PTBP3: variants seen among roughly 807,000 people sequenced by gnomAD.
PTBP3 encodes the protein polypyrimidine tract binding protein 3, also known as polypyrimidine tract-binding protein 3.
A neutral mutation model predicts 58.7 loss-of-function variants in PTBP3; 20 were observed. The ratio of observed to expected loss-of-function variants is 0.34; its 90% confidence interval spans 0.24 to 0.50. The LOEUF (loss-of-function observed/expected upper bound fraction) is 0.50, where lower values mean the gene tolerates loss of function less well. Ranked by LOEUF, PTBP3 falls within the 20% of genes least tolerant of loss-of-function variation. The pLI, the probability that PTBP3 is intolerant of heterozygous loss-of-function variation, is 0.98. For missense variants in PTBP3, 509 were observed against 637.2 expected, an observed-to-expected ratio of 0.80 and a Z score of 2.17; for synonymous variants, 185 against 219.8, an observed-to-expected ratio of 0.84 and a Z score of 1.40.
In PTBP3 at chr9:112,224,200, T is replaced by C. The variant is rs768627148; in HGVS notation, c.1375A>G (p.Thr459Ala). Residue 459 changes from threonine to alanine, a missense_variant, in exon 13 of 14, where the codon ACA (threonine) becomes GCA (alanine). By Grantham distance (58) the Thr-to-Ala change is moderately conservative. Coordinates refer to ENST00000374257, the MANE Select transcript of PTBP3 (RefSeq NM_001163788.4). ...LHLSNIPPSV[T>A]VDDLKNLFIE... ...AAAAGGTTCTTCAGATCATCCACTG[T>C]AACAGAAGGGCTGTGAAAACATCAG... The C allele has an allele frequency of 2.6e-6, 4 of 1,546,564 alleles. No individual in the cohort carries two copies. The South Asian group carries it at 5.1e-5, about 20-fold the overall frequency.
chr9:112,365,252 T>G, the PTBP3 span, among the ~76,000 whole-genome samples: 1 of 152,206 alleles, frequency 6.6e-6, no homozygotes, highest in African/African-American at 2.4e-5. Flanking sequence ...ACTGATATGG[T>G]TTGGCTCTGT....
intron 1 of PTBP3, among the ~76,000 whole-genome samples, chr9:112,316,911 G>T (rs1303592192): frequency 6.6e-6 from 1 of 151,686 alleles, no homozygotes; most frequent in East Asian, 1.9e-4. Flanking sequence ...GGCAGAGGCT[G>T]CAGTGAGCTG....
chr9:112,234,083 T>C (rs1052140695), intron 8 of PTBP3, among the ~76,000 whole-genome samples: 3 of 102,774 alleles, frequency 2.9e-5, no homozygotes, highest in Non-Finnish European at 5.6e-5. Flanking sequence ...ATATGTGGAG[T>C]AGGCTTACCA....
rs1384733030 is a variant in PTBP3, at chr9:112,330,395, CA to C, written c.-52+3074del. ...TGAACAGGTGAGACTGAAAATATGC[CA>C]AAAGATATAAAAATGCATATGAAAG... is the stretch of plus-strand genomic sequence containing the variant. On this transcript the variant is annotated intron_variant, in intron 1 of 13. Transcript: ENST00000374257. 1.0e-5 allele frequency: 14 copies of C among 1,372,188 alleles called. No homozygotes were observed. In the African/African-American group the frequency reaches 1.9e-4, roughly 19 times the overall value. The allele number at this position is 1,372,188 out of a possible 1,614,324, so 85.0% of individuals were successfully genotyped here. A position where few individuals can be genotyped will look rare whatever the true frequency, so the allele number is the denominator to read the frequency against.
At chr9:112,243,554 A>G (rs1835748098) in intron 7 of PTBP3, among the ~76,000 whole-genome samples, 1 of 152,184 alleles carries the variant, frequency 6.6e-6, no homozygotes, top group African/African-American at 2.4e-5. Context: ...AAAATAAAAA[A>G]AGCCCCAGGG....
At chr9:112,266,038 T>C (rs952618059) in intron 4 of PTBP3, among the ~76,000 whole-genome samples, 1 of 152,166 alleles carries the variant, frequency 6.6e-6, no homozygotes, top group African/African-American at 2.4e-5. Context: ...CCTAAGAGCT[T>C]TGACCATGTA....
chr9:112,330,555 A>AG, intron 1 of PTBP3: 2 of 892,780 alleles, frequency 2.2e-6, no homozygotes, highest in Non-Finnish European at 3.5e-6. Context: ...GTAAGAATAA[A>AG]GGGGAAAAAG....
At chr9:112,240,889 G>T (rs1835632356) in intron 7 of PTBP3, among the ~76,000 whole-genome samples, 1 of 151,424 alleles carries the variant, frequency 6.6e-6, no homozygotes, top group Non-Finnish European at 1.5e-5. Flanking sequence ...ACTAAAAGTT[G>T]AAAAAAGTTT....
chr9:112,319,140 A>G (rs1258500397), intron 1 of PTBP3, among the ~76,000 whole-genome samples: 2 of 149,868 alleles, frequency 1.3e-5, no homozygotes, highest in East Asian at 3.9e-4. Flanking sequence ...GAAAAAAAAA[A>G]AAAAGAAAGA....
In PTBP3 at chr9:112,221,157, C is replaced by A; in HGVS notation, c.*2694G>T. The A allele has an allele frequency of 1.0e-6, 1 of 985,676 alleles. No homozygotes were observed. The highest frequency in any genetic ancestry group is 1.2e-6 in the Non-Finnish European group (1 of 829,898). 61.1% of individuals were successfully genotyped at this position (985,676 alleles called of 1,614,324 possible). ...ATGCTATTTTAAAACAAGAACATCC[C>A]ACATCTCCAAATCTTAATTTGGTTA... On this transcript the variant is annotated 3_prime_UTR_variant, in exon 14 of 14. Coordinates refer to ENST00000374257, the MANE Select transcript of PTBP3 (RefSeq NM_001163788.4).
chr9:112,253,706 T>A (rs958927689), intron 5 of PTBP3, among the ~76,000 whole-genome samples: 3 of 152,084 alleles, frequency 2.0e-5, no homozygotes, highest in Non-Finnish European at 2.9e-5. Flanking sequence ...GTTCTCGTGA[T>A]AGGGAGTTCT....
rs762401498 is a variant in PTBP3 at position 112,330,454 on chromosome 9, G to C, written c.-52+3016C>G. On this transcript the variant is annotated intron_variant, in intron 1 of 13. Coordinates refer to ENST00000374257, the MANE Select transcript of PTBP3 (RefSeq NM_001163788.4). ...AAAGATTCCTACCTTTAAACCGACT[G>C]TTATAAGATCTGTAACAACACTGTA... 4.6e-6 allele frequency: 7 copies of C among 1,526,368 alleles called. No homozygotes were observed. The South Asian group carries it at 8.5e-5, about 18-fold the overall frequency. 94.6% of individuals were successfully genotyped at this position (1,526,368 alleles called of 1,614,324 possible).
the PTBP3 span, among the ~76,000 whole-genome samples, chr9:112,375,568 T>C: frequency 6.6e-6 from 1 of 152,086 alleles, no homozygotes; most frequent in South Asian, 2.1e-4. Context: ...ATCATGATCA[T>C]AGGGAACTCC....
At chr9:112,267,164 C>T (rs1164583705) in intron 4 of PTBP3, among the ~76,000 whole-genome samples, 1 of 147,750 alleles carries the variant, frequency 6.8e-6, no homozygotes, top group Non-Finnish European at 1.5e-5. Context: ...AAAAAACCCA[C>T]TTTCTTTTTT....
the PTBP3 span, among the ~76,000 whole-genome samples, chr9:112,338,990 C>T: frequency 1.3e-5 from 2 of 152,120 alleles, no homozygotes; most frequent in Non-Finnish European, 1.5e-5. Flanking sequence ...GGGGAGTATT[C>T]CTCTCCCTGT....
intron 5 of PTBP3, among the ~76,000 whole-genome samples, chr9:112,259,251 C>T (rs2132116088): frequency 6.6e-6 from 1 of 152,250 alleles, no homozygotes; most frequent in South Asian, 2.1e-4. Context: ...CCACACCTGG[C>T]CAGTTTATTC....
the PTBP3 span, among the ~76,000 whole-genome samples, chr9:112,377,638 A>C: frequency 2.6e-5 from 4 of 152,192 alleles, no homozygotes; most frequent in African/African-American, 9.7e-5. Context: ...AAGGGATATA[A>C]ATTGGTTGGG....
rs1834822532 is a variant in PTBP3 at position 112,221,981 on chromosome 9, A to G, written c.*1870T>C. 1 of 919,758 alleles carries G rather than the reference A, an allele frequency of 1.1e-6. No homozygotes were observed. Among genetic ancestry groups the G allele is most frequent in the African/African-American group, 1.8e-5 (1 of 55,750 alleles). 57.0% of individuals were successfully genotyped at this position (919,758 alleles called of 1,614,324 possible). On this transcript the variant is annotated 3_prime_UTR_variant, in exon 14 of 14. Coordinates refer to ENST00000374257, the MANE Select transcript of PTBP3 (RefSeq NM_001163788.4). ...GAAGTGGCTATTCACAAATGTGATC[A>G]TAGCGCACTGCAGCCTTGAACTCCT...
intron 1 of PTBP3, among the ~76,000 whole-genome samples, chr9:112,315,030 A>T (rs990964339): frequency 6.6e-6 from 1 of 152,050 alleles, no homozygotes; most frequent in African/African-American, 2.4e-5. Context: ...ACGGAGTGTC[A>T]CCGTGTTAGC....
Sources: gnomAD v4.1 joint callset for allele counts (sites outside exome capture counted in the v4.1 genomes callset) on GRCh38, gnomAD v4.1.1 for gene constraint, MANE v1.5 for transcripts, NCBI Gene and HGNC (gene_info 2026-07-23, HGNC 2026-07-21) for gene names.